The following ABCA1 variants were observed in gnomAD, a reference collection of about 807,000 sequenced individuals.
ABCA1 encodes ATP binding cassette subfamily A member 1.
A neutral mutation model predicts 262.5 loss-of-function variants in ABCA1; 133 were observed. The ratio of observed to expected loss-of-function variants is 0.51; its 90% CI spans 0.44 to 0.59. The LOEUF (loss-of-function observed/expected upper bound fraction) is 0.59, where lower values mean the gene tolerates loss of function less well. Ranked by LOEUF, ABCA1 falls within the 20% of genes least tolerant of loss-of-function variation. ABCA1 has a pLI of 0.00. For missense variants in ABCA1, 2,452 were observed against 2,777.5 expected (o/e 0.88, Z 2.63); for synonymous variants, 1,022 against 1,043.5 (o/e 0.98, Z 0.40).
intron 15 of ABCA1, among the ~76,000 whole-genome samples, chr9:104,828,671 G>A (rs1299293404): frequency 6.6e-6 from 1 of 152,190 alleles, no homozygotes; most frequent in Non-Finnish European, 1.5e-5. Context: ...GTGGTTATCT[G>A]GAAAGCATGA....
In ABCA1 at chr9:104,792,829, C is replaced by T. The variant is rs1482208205; in HGVS notation, c.5714G>A (p.Gly1905Asp). Residue 1905 changes from glycine (G) to aspartate (D), a missense_variant, in exon 42 of 50, where the codon GGT becomes GAT. Gly to Asp is a moderately conservative substitution (Grantham distance 94). Around this residue, in one of 4 missense-constraint regions of ABCA1, gnomAD observed 752 missense variants for 944.5 expected, o/e 0.80. Coordinates refer to ENST00000374736, the MANE Select transcript of ABCA1 (RefSeq NM_005502.4). ...VRRERQRILD[G>D]GGQNDILEIK... ...TTCTAAGATGTCATTCTGGCCTCCACCATCAAGAATTCTCTGTCTTTCCCG... is the reference window on the plus strand; with the variant it reads ...TTCTAAGATGTCATTCTGGCCTCCATCATCAAGAATTCTCTGTCTTTCCCG... 9 of 1,614,008 alleles carry T rather than the reference C, an allele frequency of 5.6e-6. No individual in the cohort carries two copies. The East Asian group carries it at 8.9e-5, about 16-fold the overall frequency.
chr9:104,884,961 C>T (rs1048280361), intron 3 of ABCA1, among the ~76,000 whole-genome samples: 6 of 152,210 alleles, frequency 3.9e-5, no homozygotes, highest in Admixed American at 1.3e-4. Flanking sequence ...GTGGGCTGGG[C>T]ACAGTGGCTC....
intron 20 of ABCA1, among the ~76,000 whole-genome samples, chr9:104,820,990 T>C (rs535285371): frequency 1.9e-4 from 29 of 152,162 alleles, no homozygotes; most frequent in African/African-American, 2.4e-4. Context: ...CATGCCTGTG[T>C]TCCCAGCACT....
At chr9:104,927,122 A>C (rs1453095885) in intron 1 of ABCA1, among the ~76,000 whole-genome samples, 1 of 152,028 alleles carries the variant, frequency 6.6e-6, no homozygotes, top group Non-Finnish European at 1.5e-5. Context: ...AGGCAGGAGA[A>C]TCGCTTGAAC....
chr9:104,863,031 G>A (rs1831554), intron 5 of ABCA1, among the ~76,000 whole-genome samples: 9,057 of 151,750 alleles, frequency 0.06, 454 homozygotes, highest in East Asian at 0.3. Flanking sequence ...GATTTCATAC[G>A]GAATCTCCCT....
At position 104,788,044 on chromosome 9, in the gene ABCA1, C is replaced by T; in HGVS notation, c.6080G>A (p.Trp2027Ter). 1 of 1,614,192 alleles carries T rather than the reference C, an allele frequency of 6.2e-7. No individual in the cohort carries two copies. Among genetic ancestry groups the T allele is most frequent in the Non-Finnish European group, 8.5e-7 (1 of 1,180,022 alleles). Reference protein sequence around the residue: ...PEKEVGKVGEWAIRKLGLVKY... With the variant: ...PEKEVGKVGE ...CACGAGGCCCAGTTTCCGAATCGCC[C>T]ACTCACCAACCTACAGTGATAAAAA... is the stretch of plus-strand genomic sequence containing the variant. Residue 2027 changes from tryptophan (W) to a stop codon, truncating the protein, a stop_gained, in exon 46 of 50, where the codon TGG (tryptophan) becomes TAG (stop). Transcript: ENST00000374736. LOFTEE classifies it high-confidence loss of function.
At chr9:104,911,484 C>A (rs1275139944) in intron 1 of ABCA1, among the ~76,000 whole-genome samples, 2 of 152,128 alleles carry the variant, frequency 1.3e-5, no homozygotes, top group African/African-American at 4.8e-5. Flanking sequence ...ACAGACAGAT[C>A]GTGGCTGCTG....
intron 10 of ABCA1, 31 bp from the exon 11 acceptor site, chr9:104,837,127 G>C (rs1248599286): frequency 6.5e-7 from 1 of 1,535,124 alleles, no homozygotes; most frequent in South Asian, 1.1e-5. Flanking sequence ...AGGGACCGCA[G>C]AAAAAGGAGG....
chr9:104,790,278 CT>C (rs1829314419), intron 44 of ABCA1, among the ~76,000 whole-genome samples: 1 of 152,064 alleles, frequency 6.6e-6, no homozygotes, highest in Admixed American at 6.5e-5. Context: ...GGGCAATTTA[CT>C]TTGTAGGAAT....
intron 20 of ABCA1, among the ~76,000 whole-genome samples, chr9:104,820,632 G>A (rs561261439): frequency 1.3e-5 from 2 of 152,300 alleles, no homozygotes; most frequent in East Asian, 3.9e-4. Context: ...GCTCCCTGGG[G>A]GCCTTATGGC....
At chr9:104,840,156 G>A in intron 9 of ABCA1, 123 bp downstream of exon 9, 2 of 1,533,388 alleles carry the variant, frequency 1.3e-6, no homozygotes, top group South Asian at 1.2e-5. Flanking sequence ...AGCTCAGTCT[G>A]GTGGGCAAAT....
intron 15 of ABCA1, among the ~76,000 whole-genome samples, chr9:104,827,779 C>T (rs575031209): frequency 7.9e-4 from 121 of 152,314 alleles, no homozygotes; most frequent in African/African-American, 2.8e-3. Flanking sequence ...GATAACAGAG[C>T]ATGAGGGAGG....
At chr9:104,860,065 A>G (rs1249577773) in intron 6 of ABCA1, among the ~76,000 whole-genome samples, 2 of 151,904 alleles carry the variant, frequency 1.3e-5, no homozygotes, top group East Asian at 3.9e-4. Flanking sequence ...AAAAAAAAAA[A>G]AAAAAAAGAA....
intron 2 of ABCA1, among the ~76,000 whole-genome samples, chr9:104,896,746 T>C (rs1481923794): frequency 3.0e-5 from 4 of 133,076 alleles, no homozygotes; most frequent in Non-Finnish European, 6.3e-5. Flanking sequence ...TTTTTTTTTT[T>C]TTCAGACAGA....
chr9:104,905,549 GGCCTCCAAA>G (rs1490543937), intron 1 of ABCA1, among the ~76,000 whole-genome samples: 2 of 152,172 alleles, frequency 1.3e-5, no homozygotes, highest in Admixed American at 6.5e-5. Context: ...GAAGGACACA[GGCCTCCAAA>G]GTTTCTTACT....
rs2118966629 is a variant in ABCA1 at position 104,820,051 on chromosome 9, G to A, written c.2979C>T (p.His993=). The A allele has an allele frequency of 6.2e-7, 1 of 1,614,162 alleles. No homozygotes were observed. Among genetic ancestry groups the A allele is most frequent in the South Asian group, 1.1e-5 (1 of 91,080 alleles). The change falls in exon 21 of 50, where the codon CAC becomes CAT. Residue 993 remains histidine, a synonymous_variant. Coordinates refer to ENST00000374736, the MANE Select transcript of ABCA1 (RefSeq NM_005502.4). ...CTTTCAAGCGGGCATAGAACCAGAT[G>A]TGTTCTTCGACAGTCAGCCTGGGGA... ...VLFDMLTVEE[H]IWFYARLKGL... is the part of the protein sequence containing the mutation.
intron 17 of ABCA1, among the ~76,000 whole-genome samples, chr9:104,825,159 G>A (rs1284464789): frequency 2.0e-5 from 3 of 152,186 alleles, no homozygotes; most frequent in Non-Finnish European, 4.4e-5. Context: ...AGGCCTTAGA[G>A]CTAGTATATT....
At chr9:104,820,695 A>C (rs989127335) in intron 20 of ABCA1, among the ~76,000 whole-genome samples, 4 of 152,312 alleles carry the variant, frequency 2.6e-5, no homozygotes, top group African/African-American at 9.6e-5. Flanking sequence ...ATATAGGTCC[A>C]TCATACCAGG....
intron 7 of ABCA1, among the ~76,000 whole-genome samples, chr9:104,856,487 A>G (rs1315876691): frequency 6.6e-6 from 1 of 152,202 alleles, no homozygotes; most frequent in Non-Finnish European, 1.5e-5. Flanking sequence ...GACACAGTGT[A>G]GCTGACGGTT....
Sources: gnomAD v4.1 joint callset for allele counts (sites outside exome capture counted in the v4.1 genomes callset) on GRCh38, gnomAD v4.1.1 for gene constraint, gnomAD v4.1.1 regional missense constraint, MANE v1.5 for transcripts, NCBI Gene and HGNC (gene_info 2026-07-23, HGNC 2026-07-21) for gene names.